Variants in CBFA2T2 observed in about 807,000 individuals in gnomAD.
The protein encoded by CBFA2T2 is protein CBFA2T2.
In CBFA2T2, 11 loss-of-function variants were observed where a neutral mutation model predicts 62.2. That is an observed-to-expected ratio of 0.18 (90% confidence interval 0.11 to 0.29). CBFA2T2 has a LOEUF of 0.29. CBFA2T2 is among the 10% of genes least tolerant of loss of function. The probability of loss-of-function intolerance (pLI) is 1.00; values close to 1 mark genes in which losing one functional copy is unlikely to be tolerated. For synonymous variants in CBFA2T2, 295 were observed against 287.5 expected (o/e 1.03, Z -0.27); for missense variants, 592 against 774.1 (o/e 0.76, Z 2.79).
intron 1 of CBFA2T2, among the ~76,000 whole-genome samples, chr20:33,601,355 C>T (rs537618006): frequency 1.4e-4 from 21 of 152,250 alleles, no homozygotes; most frequent in South Asian, 4.2e-4. Context: ...GCCTCTGCCT[C>T]TCGTGTTCAA....
At chr20:33,536,266 T>C (rs866658337) in intron 1 of CBFA2T2, among the ~76,000 whole-genome samples, 184 of 121,996 alleles carry the variant, frequency 1.5e-3, no homozygotes, top group Middle Eastern at 0.011. Context: ...GCGCCCCTCA[T>C]CTCCCAGACG....
intron 1 of CBFA2T2, among the ~76,000 whole-genome samples, chr20:33,517,739 G>A (rs1425595178): frequency 2.0e-5 from 3 of 150,222 alleles, no homozygotes; most frequent in Admixed American, 6.7e-5. Context: ...TCCGCCTCCC[G>A]GTTCAAGCAA....
chr20:33,582,287 G>A (rs570698325), intron 1 of CBFA2T2, among the ~76,000 whole-genome samples: 101 of 151,710 alleles, frequency 6.7e-4, no homozygotes, highest in African/African-American at 2.4e-3. Flanking sequence ...GAGGTCAGGC[G>A]AGACCAGCCT....
chr20:33,535,362 C>G (rs2012175711), intron 1 of CBFA2T2, among the ~76,000 whole-genome samples: 1 of 151,488 alleles, frequency 6.6e-6, no homozygotes, highest in South Asian at 2.1e-4. Flanking sequence ...GGGTCATATT[C>G]CCACATAGTC....
chr20:33,520,471 A>G (rs539894189), intron 1 of CBFA2T2, among the ~76,000 whole-genome samples: 11 of 152,126 alleles, frequency 7.2e-5, no homozygotes, highest in Non-Finnish European at 1.6e-4. Context: ...TTGATAAGCT[A>G]TTGAACTGTC....
chr20:33,578,584 A>T (rs945632705), intron 1 of CBFA2T2, among the ~76,000 whole-genome samples: 1 of 152,202 alleles, frequency 6.6e-6, no homozygotes, highest in Admixed American at 6.5e-5. Context: ...TGGTGCATAC[A>T]GCTATCATCC....
intron 8 of CBFA2T2, among the ~76,000 whole-genome samples, chr20:33,635,493 C>G (rs1200632490): frequency 1.3e-5 from 2 of 152,174 alleles, no homozygotes; most frequent in East Asian, 1.9e-4. Flanking sequence ...CAGCCCAGAA[C>G]CTTGCTAGAG....
chr20:33,538,530 C>G (rs2012327022), intron 1 of CBFA2T2, among the ~76,000 whole-genome samples: 1 of 152,056 alleles, frequency 6.6e-6, no homozygotes, highest in African/African-American at 2.4e-5. Flanking sequence ...TGCCACCAGG[C>G]CTGGCTAATT....
chr20:33,599,508 G>A (rs2015031051), intron 1 of CBFA2T2, among the ~76,000 whole-genome samples: 1 of 151,692 alleles, frequency 6.6e-6, no homozygotes, highest in Non-Finnish European at 1.5e-5. Flanking sequence ...GTTGGTACAT[G>A]TTAAAGTATT....
intron 1 of CBFA2T2, among the ~76,000 whole-genome samples, chr20:33,499,036 T>C (rs1409235801): frequency 7.1e-6 from 1 of 140,102 alleles, no homozygotes; most frequent in Non-Finnish European, 1.5e-5. Flanking sequence ...AGAGTGAAAC[T>C]CCGTCTAAAA....
At chr20:33,560,229 AGGACT>A (rs1309003101) in intron 1 of CBFA2T2, among the ~76,000 whole-genome samples, 1 of 152,164 alleles carries the variant, frequency 6.6e-6, no homozygotes, top group Non-Finnish European at 1.5e-5. Context: ...GAAGGCTCTT[AGGACT>A]GCTTGAGTGT....
At chr20:33,544,940 T>C (rs569782354) in intron 1 of CBFA2T2, among the ~76,000 whole-genome samples, 32 of 127,210 alleles carry the variant, frequency 2.5e-4, no homozygotes, top group African/African-American at 6.0e-4. Flanking sequence ...GTGAATAGAA[T>C]AGAACAGAAT....
chr20:33,528,779 A>G (rs184058180), intron 1 of CBFA2T2, among the ~76,000 whole-genome samples: 49 of 152,136 alleles, frequency 3.2e-4, no homozygotes, highest in African/African-American at 8.4e-4. Context: ...GGCTCAAGCA[A>G]TCTGCCCACT....
chr20:33,552,601 G>A (rs1041302913), intron 1 of CBFA2T2, among the ~76,000 whole-genome samples: 2 of 152,224 alleles, frequency 1.3e-5, no homozygotes, highest in Non-Finnish European at 2.9e-5. Flanking sequence ...CCGTGTGGAT[G>A]TGAAGGTGAA....
rs45563732 is a variant in CBFA2T2, at chr20:33,644,490, C to T, written c.1632C>T (p.His544=). ...AGAACCTGCATGGCCAGAGCCCCCA[C>T]GGCCAGGGCCGGCCGCTGCTTCCTG... ...CGQNLHGQSP[H]GQGRPLLPVG... is the part of the protein sequence containing the mutation. The change falls in exon 11 of 11, where the codon CAC becomes CAT. Residue 544 remains histidine, a synonymous_variant. Transcript: ENST00000342704. The T allele has an allele frequency of 0.03, 48,214 of 1,614,106 alleles. 959 individuals carry two copies. Among genetic ancestry groups the T allele is most frequent in the Middle Eastern group, 0.044 (268 of 6,062 alleles).
chr20:33,615,290 C>T (rs2122309783), intron 3 of CBFA2T2, among the ~76,000 whole-genome samples: 1 of 152,286 alleles, frequency 6.6e-6, no homozygotes, highest in South Asian at 2.1e-4. Context: ...GGGCATTTTG[C>T]ACTTCAAGGT....
intron 6 of CBFA2T2, among the ~76,000 whole-genome samples, chr20:33,626,408 T>C (rs1817817015): frequency 6.6e-6 from 1 of 152,206 alleles, no homozygotes; most frequent in South Asian, 2.1e-4. Context: ...TCTCTGAGCC[T>C]CAGAAGAGTA....
intron 1 of CBFA2T2, chr20:33,574,337 C>A: frequency 1.4e-6 from 2 of 1,435,652 alleles, no homozygotes; most frequent in Non-Finnish European, 1.9e-6. Context: ...AAACAATTTG[C>A]TTTAAAGGCC....
intron 1 of CBFA2T2, among the ~76,000 whole-genome samples, chr20:33,545,448 T>TCTTTCTTTCTTTCTTTCTTTCTTTCTTC (rs1417760483): frequency 5.2e-4 from 78 of 150,964 alleles, no homozygotes; most frequent in African/African-American, 1.7e-3. Flanking sequence ...TCTCTTTCTT[T>TCTTTCTTTCTTTCTTTCTTTCTTTCTTC]CTTTCTTTCT....
Sources: allele counts gnomAD v4.1 joint callset (sites outside exome capture counted in the v4.1 genomes callset), GRCh38; gene constraint gnomAD v4.1.1; transcripts MANE v1.5; gene names NCBI Gene and HGNC (gene_info 2026-07-23, HGNC 2026-07-21).